The following KAZN variants were observed in gnomAD, a reference collection of about 807,000 sequenced individuals.
KAZN encodes kazrin, periplakin interacting protein, also known as kazrin.
Under a neutral mutation model 87.4 loss-of-function variants are expected in KAZN, and 40 were observed. The ratio of observed to expected loss-of-function variants is 0.46; its 90% CI spans 0.36 to 0.60. The LOEUF is 0.60. Ranked by LOEUF, KAZN falls within the 20% of genes least tolerant of loss-of-function variation. The pLI is 0.00. For missense variants in KAZN, 898 were observed against 1,073.9 expected (o/e 0.84, Z 2.29); for synonymous variants, 466 against 458.3 (o/e 1.02, Z -0.22).
chr1:14,157,944 A>G (rs1485682348), intron 1 of KAZN, among the ~76,000 whole-genome samples: 1 of 152,122 alleles, frequency 6.6e-6, no homozygotes, highest in African/African-American at 2.4e-5. Context: ...GAACTCACTC[A>G]CTATCATGAG....
chr1:14,472,777 C>T (rs1438472975), intron 2 of KAZN, among the ~76,000 whole-genome samples: 1 of 151,898 alleles, frequency 6.6e-6, no homozygotes, highest in African/African-American at 2.4e-5. Flanking sequence ...AACTGGCTTT[C>T]CTTATTCTCA....
intron 2 of KAZN, among the ~76,000 whole-genome samples, chr1:14,324,873 CT>C (rs979657676): frequency 6.6e-6 from 1 of 152,054 alleles, no homozygotes; most frequent in African/African-American, 2.4e-5. Context: ...ACTAGGTAAC[CT>C]TATGGAAAAT....
chr1:14,756,031 T>C (rs971991368), intron 1 of KAZN, among the ~76,000 whole-genome samples: 4 of 152,148 alleles, frequency 2.6e-5, no homozygotes, highest in East Asian at 1.9e-4. Context: ...AGAAGAGGCA[T>C]GGAGGGAAGT....
chr1:14,385,362 A>G (rs1021657228), intron 2 of KAZN, among the ~76,000 whole-genome samples: 4 of 151,906 alleles, frequency 2.6e-5, no homozygotes, highest in Non-Finnish European at 5.9e-5. Context: ...TAGCTTTTGA[A>G]TATGTTTGCT....
chr1:14,514,371 ATAT>A (rs1671108854), intron 2 of KAZN, among the ~76,000 whole-genome samples: 1 of 20,792 alleles, frequency 4.8e-5, no homozygotes, highest in Non-Finnish European at 8.6e-5. Context: ...ATATTTATAT[ATAT>A]AATATATATA....
chr1:14,987,621 C>T (rs201351940), intron 2 of KAZN, among the ~76,000 whole-genome samples: 1 of 152,078 alleles, frequency 6.6e-6, no homozygotes, highest in Non-Finnish European at 1.5e-5. Flanking sequence ...ATGAGCTTCG[C>T]GTATGTTGGG....
At chr1:14,205,670 G>T (rs1159860275) in intron 2 of KAZN, among the ~76,000 whole-genome samples, 2 of 151,718 alleles carry the variant, frequency 1.3e-5, no homozygotes, top group African/African-American at 4.8e-5. Flanking sequence ...AGATCACGAG[G>T]TCAGGAGATC....
chr1:14,764,262 G>A lies in KAZN; in HGVS notation c.226+165039G>A, dbSNP rs1263159541. Among the ~76,000 whole-genome samples the A allele has an allele frequency of 2.0e-5, 3 of 151,946 alleles. No homozygotes were observed. The South Asian group carries it at 6.2e-4, about 32-fold the overall frequency. ...CTGCTTCGGGCAACCTCCCTTCAGA[G>A]GCCCCCACAGCTGAATCCTTACTTC... On this transcript the variant is annotated intron_variant, in intron 1 of 14. Coordinates refer to ENST00000376030, the MANE Select transcript of KAZN (RefSeq NM_201628.3).
chr1:14,599,075 G>T lies in KAZN; in HGVS notation c.78G>T (p.Leu26=). 6.4e-7 allele frequency: 1 copy of T among 1,561,426 alleles called. No individual in the cohort carries two copies. The highest frequency in any genetic ancestry group is 2.0e-5 in the Admixed American group (1 of 51,182). ...VQSASQEVTN[L]RAELTATNRR... The stretch of plus-strand genomic sequence containing the variant: ...CGGCCAGCCAGGAGGTGACCAACCT[G>T]CGAGCCGAACTCACGGCCACCAACC... Residue 26 remains leucine (L), a synonymous_variant, in exon 1 of 15, where the codon CTG becomes CTT. Coordinates refer to ENST00000376030, the MANE Select transcript of KAZN (RefSeq NM_201628.3). This position sits in a 1 kb window ranked among gnomAD's most constrained non-coding sequence, Gnocchi z 4.4.
chr1:14,615,420 G>A (rs1295280015), intron 1 of KAZN, among the ~76,000 whole-genome samples: 1 of 152,186 alleles, frequency 6.6e-6, no homozygotes, highest in Non-Finnish European at 1.5e-5. Context: ...TTCAAGCCAG[G>A]AGTTCGAGAC....
At chr1:14,273,302 A>G (rs1326882133) in intron 2 of KAZN, among the ~76,000 whole-genome samples, 1 of 152,098 alleles carries the variant, frequency 6.6e-6, no homozygotes, top group Non-Finnish European at 1.5e-5. Flanking sequence ...AGAGAAATAC[A>G]GAGAAGATGC....
Position 14,644,828 on chromosome 1 carries a change from T to G in KAZN, c.226+45605T>G, listed in dbSNP as rs186816243. ...TAATTAAATCCCATTTGTCAATTTT[T>G]GCTTTTGTTGTGATTGCTTTTGGTG... On this transcript the variant is annotated intron_variant, in intron 1 of 14. Transcript: ENST00000376030. Among the ~76,000 whole-genome samples the G allele has an allele frequency of 2.9e-3, 442 of 152,356 alleles. 1 individual carries two copies. Among genetic ancestry groups the G allele is most frequent in the Non-Finnish European group, 4.6e-3 (313 of 68,030 alleles).
At chr1:13,991,882 G>T (rs1017933023) in intron 1 of KAZN, among the ~76,000 whole-genome samples, 2 of 152,018 alleles carry the variant, frequency 1.3e-5, no homozygotes, top group Non-Finnish European at 2.9e-5. Context: ...AGATACAGAC[G>T]CAGTGTACCT....
Position 14,053,913 on chromosome 1 carries a change from T to G in KAZN, c.92-126522T>G, listed in dbSNP as rs114504941. ...TATATTGTGCCTTCTTACAATAAAG[T>G]AAGCTAGAGAAAAAAATGTTACTAA... On this transcript the variant is annotated intron_variant, in intron 1 of 16. Coordinates refer to the KAZN transcript ENST00000636203. Among the ~76,000 whole-genome samples the G allele has an allele frequency of 9.3e-3, 1,416 of 152,190 alleles. 19 individuals carry two copies. Among genetic ancestry groups the G allele is most frequent in the African/African-American group, 0.033 (1,361 of 41,502 alleles).
intron 1 of KAZN, among the ~76,000 whole-genome samples, chr1:14,690,194 T>C (rs1048848617): frequency 6.6e-6 from 1 of 152,214 alleles, no homozygotes; most frequent in Admixed American, 6.5e-5. Flanking sequence ...TCATGAATCA[T>C]GCATCTGCGG....
At chr1:14,623,947 A>G (rs951749224) in intron 1 of KAZN, among the ~76,000 whole-genome samples, 2 of 152,134 alleles carry the variant, frequency 1.3e-5, no homozygotes, top group African/African-American at 4.8e-5. Flanking sequence ...CTTGTTTTAT[A>G]TCTTAGAATA....
chr1:14,578,270 A>C (rs944358911), intron 2 of KAZN, among the ~76,000 whole-genome samples: 9 of 152,112 alleles, frequency 5.9e-5, no homozygotes, highest in African/African-American at 2.2e-4. Context: ...CATACGGTAG[A>C]GGAAAATCTC....
At chr1:14,564,252 G>A (rs1285603838) in intron 2 of KAZN, among the ~76,000 whole-genome samples, 2 of 151,982 alleles carry the variant, frequency 1.3e-5, no homozygotes, top group Non-Finnish European at 2.9e-5. Context: ...TGTCCACCTG[G>A]TCAACTCCTA....
intron 2 of KAZN, among the ~76,000 whole-genome samples, chr1:14,324,937 C>A (rs1040436332): frequency 1.3e-5 from 2 of 149,710 alleles, no homozygotes; most frequent in African/African-American, 5.1e-5. Flanking sequence ...GCACAGGAAC[C>A]ACCATAATTA....
Sources: gnomAD v4.1 joint callset for allele counts (sites outside exome capture counted in the v4.1 genomes callset) on GRCh38, gnomAD v4.1.1 for gene constraint, Gnocchi (gnomAD v3.1) non-coding constraint, MANE v1.5 for transcripts, NCBI Gene and HGNC (gene_info 2026-07-23, HGNC 2026-07-21) for gene names.